Variants in RSPH14 observed in about 807,000 individuals in gnomAD.
RSPH14 encodes the protein rhabdoid tumor deletion region gene 1.
A neutral mutation model predicts 26.7 loss-of-function variants in RSPH14; 20 were observed. That is an observed-to-expected ratio of 0.75 (90% confidence interval 0.53 to 1.09). The LOEUF (loss-of-function observed/expected upper bound fraction) is 1.09. Ranked by LOEUF, RSPH14 falls within the 50% of genes least tolerant of loss-of-function variation. The pLI is 0.00. For synonymous variants in RSPH14, 177 were observed against 189.3 expected (o/e 0.93, Z 0.53); for missense variants, 449 against 457.2 (o/e 0.98, Z 0.16).
intron 3 of RSPH14, among the ~76,000 whole-genome samples, chr22:23,135,248 C>T (rs1987044): frequency 0.018 from 2,554 of 144,156 alleles, 29 homozygotes; most frequent in Non-Finnish European, 0.027. Flanking sequence ...CCAAGGTGGG[C>T]GGATCACTAG....
intron 4 of RSPH14, among the ~76,000 whole-genome samples, chr22:23,109,507 G>A (rs2069583150): frequency 6.6e-6 from 1 of 152,196 alleles, no homozygotes; most frequent in Non-Finnish European, 1.5e-5. Context: ...TCAAGACCAA[G>A]GGGACCCCAG....
the RSPH14 span, among the ~76,000 whole-genome samples, chr22:23,169,443 G>A: frequency 0.047 from 7,140 of 152,296 alleles, 547 homozygotes; most frequent in African/African-American, 0.16. Flanking sequence ...GAGACAGCGC[G>A]GAAAAGGAGC....
At chr22:23,180,286 A>C in the RSPH14 span, 1 of 179,000 alleles carries the variant, frequency 5.6e-6, no homozygotes, top group Non-Finnish European at 1.2e-5. Flanking sequence ...TGTCTTTTTT[A>C]CGGGGGACCC....
chr22:23,172,007 C>A, the RSPH14 span, among the ~76,000 whole-genome samples: 1 of 152,086 alleles, frequency 6.6e-6, no homozygotes, highest in African/African-American at 2.4e-5. Flanking sequence ...TAAAAAGCAC[C>A]CTTCCTTAAT....
rs537349394 is a variant in RSPH14, at chr22:23,089,052, G to T, written c.422-24919C>A. On this transcript the variant is annotated intron_variant, in intron 4 of 6. Coordinates refer to ENST00000216036, the MANE Select transcript of RSPH14 (RefSeq NM_014433.3). ...TTCGTCTTGGCTCACTCTTTCCGTCGCCCAAGCTCAGCATGGGGCAGGCTT... is the reference window on the plus strand; with the variant it reads ...TTCGTCTTGGCTCACTCTTTCCGTCTCCCAAGCTCAGCATGGGGCAGGCTT... 5.3e-5 allele frequency among the ~76,000 whole-genome samples: 8 copies of T among 152,272 alleles called. No homozygotes were observed. The South Asian group carries it at 1.7e-3, about 32-fold the overall frequency.
chr22:23,156,361 G>T, the RSPH14 span: 1 of 252,580 alleles, frequency 4.0e-6, no homozygotes, highest in East Asian at 1.4e-4. Context: ...CCAGGGGGAG[G>T]TCGGAGGAGG....
intron 4 of RSPH14, among the ~76,000 whole-genome samples, chr22:23,107,457 C>G (rs917874354): frequency 6.6e-6 from 1 of 152,164 alleles, no homozygotes; most frequent in East Asian, 1.9e-4. Context: ...TCATGAAAAC[C>G]CAGGGCCTGA....
chr22:23,159,242 C>T, the RSPH14 span: 48 of 1,594,078 alleles, frequency 3.0e-5, no homozygotes, highest in African/African-American at 1.1e-4. Context: ...TGGTCAGTGT[C>T]GGCCAAGACT....
the RSPH14 span, among the ~76,000 whole-genome samples, chr22:23,171,139 T>G: frequency 3.3e-5 from 5 of 152,046 alleles, no homozygotes; most frequent in Non-Finnish European, 5.9e-5. Context: ...AGCCAATTTT[T>G]GTATTTTTAG....
intron 4 of RSPH14, among the ~76,000 whole-genome samples, chr22:23,094,895 G>A (rs1340625792): frequency 1.3e-5 from 2 of 152,264 alleles, no homozygotes; most frequent in Admixed American, 6.5e-5. Context: ...AGTGCTGTCT[G>A]GGAGAAGGGC....
rs2146456601 is a variant in RSPH14, at chr22:23,140,319, C to T, written c.102G>A (p.Glu34=). The part of the protein sequence containing the change: ...GHRALPKLKE[E]LQSEDLQTRQ... ...TCGTCTGGAGGTCCTCTGACTGCAG[C>T]TCCTCCTTCAGCTTGGGCAGGGCCC... Residue 34 remains glutamate (E), a synonymous_variant, in exon 2 of 7, where the codon GAG becomes GAA. Coordinates refer to ENST00000216036, the MANE Select transcript of RSPH14 (RefSeq NM_014433.3). 6.2e-7 allele frequency: 1 copy of T among 1,614,182 alleles called. No homozygotes were observed. Among genetic ancestry groups the T allele is most frequent in the East Asian group, 2.2e-5 (1 of 44,876 alleles).
chr22:23,155,208 G>T, the RSPH14 span, among the ~76,000 whole-genome samples: 2 of 152,156 alleles, frequency 1.3e-5, no homozygotes, highest in Admixed American at 6.5e-5. Context: ...GTTCAATTTT[G>T]ATCAGTTGAC....
chr22:23,145,353 G>A (rs1380131051), upstream of RSPH14: 2 of 1,601,202 alleles, frequency 1.2e-6, no homozygotes, highest in Non-Finnish European at 1.7e-6. Flanking sequence ...ACTCCAGGCA[G>A]GTTCTCGTTG....
chr22:23,162,632 C>T, the RSPH14 span: 2 of 456,370 alleles, frequency 4.4e-6, no homozygotes, highest in Non-Finnish European at 8.8e-6. Context: ...TGCTCATCCA[C>T]AGGGTTTTCT....
At chr22:23,059,844 C>T in intron 6 of RSPH14, 126 bp from the exon 7 acceptor site, 2 of 1,054,990 alleles carry the variant, frequency 1.9e-6, no homozygotes, top group Non-Finnish European at 2.5e-6. Flanking sequence ...TGGTTTATGC[C>T]CCACCAACAT....
At chr22:23,066,984 C>T (rs2068226573) in intron 4 of RSPH14, among the ~76,000 whole-genome samples, 1 of 152,108 alleles carries the variant, frequency 6.6e-6, no homozygotes, top group Non-Finnish European at 1.5e-5. Context: ...GTCCTAGGGG[C>T]TCTGGAGGTG....
upstream of RSPH14, among the ~76,000 whole-genome samples, chr22:23,142,891 G>A (rs1168301566): frequency 1.3e-5 from 2 of 152,166 alleles, no homozygotes; most frequent in Non-Finnish European, 2.9e-5. Context: ...CTGGGTGATG[G>A]CCTCCTCCAG....
At chr22:23,153,743 C>T in the RSPH14 span, 2 of 711,742 alleles carry the variant, frequency 2.8e-6, no homozygotes, top group Non-Finnish European at 3.4e-6. Context: ...GTCACCCAGG[C>T]TGGAGTGCAG....
At chr22:23,166,995 A>T in the RSPH14 span, among the ~76,000 whole-genome samples, 1 of 152,006 alleles carries the variant, frequency 6.6e-6, no homozygotes, top group Non-Finnish European at 1.5e-5. Flanking sequence ...CTGTGGGCTC[A>T]CTACCACCCC....
Sources: gnomAD v4.1 joint callset for allele counts (sites outside exome capture counted in the v4.1 genomes callset) on GRCh38, gnomAD v4.1.1 for gene constraint, MANE v1.5 for transcripts, NCBI Gene and HGNC (gene_info 2026-07-23, HGNC 2026-07-21) for gene names.